Variants in PROP1 observed in about 807,000 individuals in gnomAD.
PROP1 encodes the protein PROP paired-like homeobox 1.
A neutral mutation model predicts 22.3 loss-of-function variants in PROP1; 12 were observed. That is an observed-to-expected ratio of 0.54 (90% CI 0.34 to 0.87). PROP1 has a LOEUF of 0.87. Ranked by LOEUF, PROP1 falls within the 40% of genes least tolerant of loss-of-function variation. The pLI, the probability that PROP1 is intolerant of heterozygous loss-of-function variation, is 0.01. For synonymous variants in PROP1, 112 were observed against 116.7 expected (o/e 0.96, Z 0.26); for missense variants, 278 against 295.1 (o/e 0.94, Z 0.43).
Position 177,996,004 on chromosome 5 carries a change from A to G in PROP1, c.-71T>C. ...TTCTCTGCTTCCGCAGCTCCTCTCC[A>G]CACCTGTTCCCTCCCCTTCTCCCTC... On this transcript the variant is annotated 5_prime_UTR_variant, in exon 1 of 3. Coordinates refer to ENST00000308304, the MANE Select transcript of PROP1 (RefSeq NM_006261.5). 7.5e-7 allele frequency: 1 copy of G among 1,340,522 alleles called. No homozygotes were observed. The highest frequency in any genetic ancestry group is 1.1e-6 in the Non-Finnish European group (1 of 943,064). The allele number at this position is 1,340,522 out of a possible 1,614,324, so 83.0% of individuals were successfully genotyped here.
rs1755699795 is a variant in PROP1, at chr5:177,994,215, G to A, written c.233C>T (p.Pro78Leu). Residue 78 changes from proline to leucine, a missense_variant, in exon 2 of 3, where the codon CCA becomes CTA. Physicochemically the swap from Pro to Leu is moderately conservative, Grantham distance 98. Transcript: ENST00000308304. ...SRRRHRTTFS[P>L]VQLEQLESAF... ...TGACTCCAGCTGTTCCAACTGCACTGGGCTGAAGGTGGTGCGGTGGCGGCG... is the reference window on the plus strand; with the variant it reads ...TGACTCCAGCTGTTCCAACTGCACTAGGCTGAAGGTGGTGCGGTGGCGGCG... 1 of 1,614,016 alleles carries A rather than the reference G, an allele frequency of 6.2e-7. No homozygotes were observed. Among genetic ancestry groups the A allele is most frequent in the South Asian group, 1.1e-5 (1 of 91,090 alleles).
chr5:177,992,979 A>C lies in PROP1; in HGVS notation c.411T>G (p.His137Gln), dbSNP rs1404138454. The C allele has an allele frequency of 6.2e-7, 1 of 1,613,902 alleles. No homozygotes were observed. Among genetic ancestry groups the C allele is most frequent in the Admixed American group, 1.7e-5 (1 of 59,974 alleles). Residue 137 changes from histidine (H) to glutamine (Q), a missense_variant, in exon 3 of 3, where the codon CAT (histidine) becomes CAG (glutamine). Transcript: ENST00000308304. The stretch of plus-strand genomic sequence containing the variant: ...AGCTGGAAAAGGCGGCAGGAGACAG[A>C]TGGGCCAGAGGCTGAAGCAGTGAGC... ...QERSLLQPLAHLSPAAFSSFL... is the reference protein window; with the variant it reads ...QERSLLQPLAQLSPAAFSSFL...
chr5:177,994,949 C>T (rs1448673084), intron 1 of PROP1, among the ~76,000 whole-genome samples: 2 of 152,138 alleles, frequency 1.3e-5, no homozygotes, highest in Admixed American at 1.3e-4. Flanking sequence ...AGACACATAC[C>T]CCTCCATGTA....
chr5:177,995,782 G>T, intron 1 of PROP1, 43 bp downstream of exon 1: 7 of 1,479,540 alleles, frequency 4.7e-6, no homozygotes, highest in Non-Finnish European at 6.6e-6. Flanking sequence ...CCTCACACCC[G>T]CTGCCTCCTC....
Position 177,992,687 on chromosome 5 carries a change from C to T in PROP1, c.*22G>A. On this transcript the variant is annotated 3_prime_UTR_variant, in exon 3 of 3. Transcript: ENST00000308304. ...CACGAGGGCCGCAGGCTGGGGATCACCTTGGTGGTACTTGTTTGACCTCAG... is the reference window on the plus strand; with the variant it reads ...CACGAGGGCCGCAGGCTGGGGATCATCTTGGTGGTACTTGTTTGACCTCAG... 6.6e-7 allele frequency: 1 copy of T among 1,523,374 alleles called. No homozygotes were observed. Among genetic ancestry groups the T allele is most frequent in the Non-Finnish European group, 8.9e-7 (1 of 1,118,814 alleles). 94.4% of individuals were successfully genotyped at this position (1,523,374 alleles called of 1,614,324 possible). A position where few individuals can be genotyped will look rare whatever the true frequency, so the allele number is the denominator to read the frequency against.
Position 177,992,741 on chromosome 5 carries a change from G to A in PROP1, c.649C>T (p.Leu217Phe). The A allele has an allele frequency of 6.3e-7, 1 of 1,592,798 alleles. No individual in the cohort carries two copies. The highest frequency in any genetic ancestry group is 8.5e-7 in the Non-Finnish European group (1 of 1,172,468). Residue 217 changes from leucine (L) to phenylalanine (F), a missense_variant, in exon 3 of 3, where the codon CTC becomes TTC. Leu to Phe is a conservative substitution (Grantham distance 22). Coordinates refer to ENST00000308304, the MANE Select transcript of PROP1 (RefSeq NM_006261.5). ...CAGGACTTGGATGGCTCAAGGCTGA[G>A]GGGGAGCATGGGAGGGGGTGGGGGG... Reference protein sequence around the residue: ...PCPPPPPMLPLSLEPSKSWN With the variant: ...PCPPPPPMLPFSLEPSKSWN
chr5:177,993,369 G>A (rs1413890827), intron 2 of PROP1, among the ~76,000 whole-genome samples: 2 of 152,170 alleles, frequency 1.3e-5, no homozygotes, highest in African/African-American at 2.4e-5. Flanking sequence ...TAAGTTTAAC[G>A]ATTAAGACTG....
intron 1 of PROP1, among the ~76,000 whole-genome samples, chr5:177,995,476 C>T (rs1336457965): frequency 6.6e-6 from 1 of 151,736 alleles, no homozygotes; most frequent in Non-Finnish European, 1.5e-5. Flanking sequence ...GGAGCCCGCC[C>T]TCCCGCCCTG....
chr5:177,994,632 G>A (rs1320519757), intron 1 of PROP1, among the ~76,000 whole-genome samples: 1 of 152,050 alleles, frequency 6.6e-6, no homozygotes, highest in East Asian at 1.9e-4. Context: ...TAGAGATGGG[G>A]TCTTGCTATC....
At position 177,992,529 on chromosome 5, in the gene PROP1, T is replaced by C; in HGVS notation, c.*180A>G. 1 of 597,078 alleles carries C rather than the reference T, an allele frequency of 1.7e-6. No homozygotes were observed. Among genetic ancestry groups the C allele is most frequent in the Non-Finnish European group, 3.0e-6 (1 of 338,980 alleles). 37.0% of individuals were successfully genotyped at this position (597,078 alleles called of 1,614,324 possible). On this transcript the variant is annotated 3_prime_UTR_variant, in exon 3 of 3. Coordinates refer to ENST00000308304, the MANE Select transcript of PROP1 (RefSeq NM_006261.5). Reference sequence around the variant, plus strand: ...TTCCAGTAGCTCACCTCCCCAGACTTCCTCCACTAATCACCCCAGTGAGAA... The same window carrying C: ...TTCCAGTAGCTCACCTCCCCAGACTCCCTCCACTAATCACCCCAGTGAGAA...
In PROP1 at chr5:177,992,668, G is replaced by T; in HGVS notation, c.*41C>A. 1 of 1,392,616 alleles carries T rather than the reference G, an allele frequency of 7.2e-7. No individual in the cohort carries two copies. Among genetic ancestry groups the T allele is most frequent in the Non-Finnish European group, 9.9e-7 (1 of 1,008,210 alleles). 86.3% of individuals were successfully genotyped at this position (1,392,616 alleles called of 1,614,324 possible). ...CCCCATTTTCTTGTCTTTTCACGAG[G>T]GCCGCAGGCTGGGGATCACCTTGGT... On this transcript the variant is annotated 3_prime_UTR_variant, in exon 3 of 3. Transcript: ENST00000308304.
Position 177,992,841 on chromosome 5 carries a change from G to T in PROP1, c.549C>A (p.Gly183=). Reference sequence around the variant, plus strand: ...CAGACTGGTGTGACAAAGCAAAGGCGCCTCCTGTGGAGGGCTGGGAAGGGA... The same window carrying T: ...CAGACTGGTGTGACAAAGCAAAGGCTCCTCCTGTGGAGGGCTGGGAAGGGA... ...HALPSQPSTG[G]AFALSHQSED... is the part of the protein sequence containing the mutation. Residue 183 remains glycine (G), a synonymous_variant, in exon 3 of 3, where the codon GGC becomes GGA. Transcript: ENST00000308304. 6.2e-7 allele frequency: 1 copy of T among 1,611,634 alleles called. No homozygotes were observed. Among genetic ancestry groups the T allele is most frequent in the Non-Finnish European group, 8.5e-7 (1 of 1,178,532 alleles).
rs1334211793 is a variant in PROP1 at position 177,994,414 on chromosome 5, G to A, written c.110-76C>T. On this transcript the variant is annotated intron_variant, in intron 1 of 2. Coordinates refer to ENST00000308304, the MANE Select transcript of PROP1 (RefSeq NM_006261.5). ...TGCTGGACCACATGTGCCTGTCCCG[G>A]GATTGCGCTCAGTGCGTCCTGTGCT... 8.5e-6 allele frequency: 11 copies of A among 1,300,516 alleles called. No homozygotes were observed. The Middle Eastern group carries it at 1.1e-3, about 125-fold the overall frequency. 80.6% of individuals were successfully genotyped at this position (1,300,516 alleles called of 1,614,324 possible).
At position 177,995,167 on chromosome 5, in the gene PROP1, C is replaced by T. The variant is rs935871346; in HGVS notation, c.109+658G>A. Among the ~76,000 whole-genome samples, 7 of 152,060 alleles carry T rather than the reference C, an allele frequency of 4.6e-5. No homozygotes were observed. The East Asian group carries it at 7.7e-4, about 17-fold the overall frequency. ...TGGGAAGATGGGCACCCCCCTCTTCCGCTCAGACACACCCTCCCCTACTTA... is the reference window on the plus strand; with the variant it reads ...TGGGAAGATGGGCACCCCCCTCTTCTGCTCAGACACACCCTCCCCTACTTA... On this transcript the variant is annotated intron_variant, in intron 1 of 2. Coordinates refer to ENST00000308304, the MANE Select transcript of PROP1 (RefSeq NM_006261.5).
chr5:177,994,045 T>G, intron 2 of PROP1, 61 bp downstream of exon 2: 1 of 1,576,904 alleles, frequency 6.3e-7, no homozygotes, highest in Non-Finnish European at 8.7e-7. Context: ...CCCAACATTC[T>G]ATGATAGCAC....
Position 177,994,293 on chromosome 5 carries a change from C to A in PROP1, c.155G>T (p.Gly52Val). The A allele has an allele frequency of 6.2e-7, 1 of 1,612,196 alleles. No homozygotes were observed. ...TCCTTGCGGGGAGAACCTTGATCTC[C>A]CCCCTCCTGCACCAGGGAGCCTTCT... is the stretch of plus-strand genomic sequence containing the variant. ...PCRRLPGAGG[G>V]RSRFSPQGGQ... The change falls in exon 2 of 3, where the codon GGG (glycine) becomes GTG (valine). Residue 52 changes from glycine to valine, a missense_variant. Coordinates refer to ENST00000308304, the MANE Select transcript of PROP1 (RefSeq NM_006261.5).
At chr5:177,993,095 G>A in intron 2 of PROP1, 48 bp from the exon 3 acceptor site, 2 of 1,503,860 alleles carry the variant, frequency 1.3e-6, no homozygotes, top group Non-Finnish European at 1.8e-6. Context: ...GACATAGGTG[G>A]TGACACCCTA....
chr5:177,995,527 A>G (rs1296078680), intron 1 of PROP1, among the ~76,000 whole-genome samples: 1 of 151,190 alleles, frequency 6.6e-6, no homozygotes, highest in Non-Finnish European at 1.5e-5. Context: ...TCATCAGAGA[A>G]GGCAGTGGCT....
At position 177,994,340 on chromosome 5, in the gene PROP1, T is replaced by C. The variant is rs1057516846; in HGVS notation, c.110-2A>G. The C allele has an allele frequency of 6.3e-7, 1 of 1,587,196 alleles. No homozygotes were observed. The highest frequency in any genetic ancestry group is 1.3e-5 in the African/African-American group (1 of 74,450). On this transcript the variant is annotated splice_acceptor_variant, in intron 1 of 2. Transcript: ENST00000308304. LOFTEE classifies it high-confidence loss of function. ...TTCTGCAGGGTGGAGCACTCGAGTCTGAGAACGGAGAGAAGGGAGGGGCGG... is the reference window on the plus strand; with the variant it reads ...TTCTGCAGGGTGGAGCACTCGAGTCCGAGAACGGAGAGAAGGGAGGGGCGG...
Sources: allele counts gnomAD v4.1 joint callset (sites outside exome capture counted in the v4.1 genomes callset), GRCh38; gene constraint gnomAD v4.1.1; transcripts MANE v1.5; gene names NCBI Gene and HGNC (gene_info 2026-07-23, HGNC 2026-07-21).